The following NCK1 variants were observed in gnomAD, a reference collection of about 807,000 sequenced individuals.
NCK1 encodes the protein NCK adaptor protein 1, also known as SH2/SH3 adapter protein NCK1.
NCK1 carries 19 observed loss-of-function variants against 36.6 expected under a neutral mutation model. The ratio of observed to expected loss-of-function variants is 0.52; its 90% CI spans 0.36 to 0.76. The LOEUF (loss-of-function observed/expected upper bound fraction) is 0.76, where lower values mean the gene tolerates loss of function less well. Ranked by LOEUF, NCK1 falls within the 30% of genes least tolerant of loss-of-function variation. The pLI is 0.00. For missense variants in NCK1, 358 were observed against 445.6 expected (o/e 0.80, Z 1.77); for synonymous variants, 165 against 156.0 (o/e 1.06, Z -0.43).
At chr3:136,909,134 C>T (rs2108109027) in intron 1 of NCK1, among the ~76,000 whole-genome samples, 1 of 152,296 alleles carries the variant, frequency 6.6e-6, no homozygotes, top group East Asian at 1.9e-4. Flanking sequence ...AAATAAATTT[C>T]TGTCCTTTAT....
chr3:136,913,659 T>A (rs1311381129), intron 1 of NCK1, among the ~76,000 whole-genome samples: 1 of 151,896 alleles, frequency 6.6e-6, no homozygotes, highest in Non-Finnish European at 1.5e-5. Flanking sequence ...TTTTGTTTTG[T>A]TTTTTGTTTG....
At position 136,940,232 on chromosome 3, in the gene NCK1, A is replaced by T. The variant is rs1246374251; in HGVS notation, c.227-5351A>T. Among the ~76,000 whole-genome samples the T allele has an allele frequency of 3.3e-5, 5 of 152,086 alleles. No individual in the cohort carries two copies. The East Asian group carries it at 7.7e-4, about 23-fold the overall frequency. ...AATATTCCATGTATACTTGAGAAAA[A>T]TGTGTGATATATTCTGCTTTTGTTT... On this transcript the variant is annotated intron_variant, in intron 2 of 3. Coordinates refer to ENST00000481752, the MANE Select transcript of NCK1 (RefSeq NM_001291999.2).
chr3:136,890,192 G>A (rs879825525), intron 1 of NCK1, among the ~76,000 whole-genome samples: 1 of 152,198 alleles, frequency 6.6e-6, no homozygotes, highest in East Asian at 1.9e-4. Flanking sequence ...GCGCTGGTGG[G>A]CTGGCATTGC....
intron 1 of NCK1, among the ~76,000 whole-genome samples, chr3:136,898,063 A>C (rs1360688871): frequency 6.6e-6 from 1 of 152,186 alleles, no homozygotes; most frequent in African/African-American, 2.4e-5. Context: ...ACATTTTTGC[A>C]GAACTCTCAT....
intron 1 of NCK1, among the ~76,000 whole-genome samples, chr3:136,890,239 G>C (rs1038628888): frequency 6.6e-6 from 1 of 152,174 alleles, no homozygotes; most frequent in African/African-American, 2.4e-5. Context: ...TTGCTGGCCC[G>C]GGTGCTAAGC....
At chr3:136,943,961 G>C (rs552774321) in intron 2 of NCK1, among the ~76,000 whole-genome samples, 1 of 152,186 alleles carries the variant, frequency 6.6e-6, no homozygotes, top group South Asian at 2.1e-4. Context: ...AAAAGTTACT[G>C]ATTTGACAGT....
chr3:136,923,709 T>A (rs1276750339), intron 1 of NCK1, among the ~76,000 whole-genome samples: 4 of 152,222 alleles, frequency 2.6e-5, no homozygotes, highest in Non-Finnish European at 4.4e-5. Flanking sequence ...GTTTAAACAT[T>A]CATATAAACA....
intron 2 of NCK1, among the ~76,000 whole-genome samples, chr3:136,941,302 A>AT (rs944567332): frequency 4.0e-5 from 6 of 150,374 alleles, no homozygotes; most frequent in African/African-American, 1.2e-4. Context: ...ATTTTTTGGT[A>AT]TTTTTTTGGT....
chr3:136,919,325 CAG>C (rs1940047261), intron 1 of NCK1, among the ~76,000 whole-genome samples: 1 of 151,794 alleles, frequency 6.6e-6, no homozygotes, highest in African/African-American at 2.4e-5. Context: ...TCACAACAAA[CAG>C]TGAAAATCTT....
intron 2 of NCK1, among the ~76,000 whole-genome samples, chr3:136,943,450 G>A (rs1331886816): frequency 6.6e-6 from 1 of 152,204 alleles, no homozygotes; most frequent in Non-Finnish European, 1.5e-5. Context: ...GAATTGTAAT[G>A]CCTGAATTCC....
chr3:136,870,841 G>C (rs1329135702), intron 1 of NCK1, among the ~76,000 whole-genome samples: 1 of 152,020 alleles, frequency 6.6e-6, no homozygotes, highest in Non-Finnish European at 1.5e-5. Flanking sequence ...CTCTTCCTCA[G>C]GGCAGATGGC....
At chr3:136,875,171 C>T (rs1938731461) in intron 1 of NCK1, among the ~76,000 whole-genome samples, 1 of 152,166 alleles carries the variant, frequency 6.6e-6, no homozygotes, top group South Asian at 2.1e-4. Context: ...ACAGTCTGCT[C>T]TCTGTTTGTC....
intron 1 of NCK1, among the ~76,000 whole-genome samples, chr3:136,888,294 A>T (rs944473221): frequency 9.2e-5 from 14 of 152,100 alleles, no homozygotes; most frequent in Non-Finnish European, 1.8e-4. Flanking sequence ...GTCGGTTTTT[A>T]AAAAAAGGTT....
intron 1 of NCK1, among the ~76,000 whole-genome samples, chr3:136,910,161 CTT>C (rs1939797765): frequency 6.6e-6 from 1 of 152,132 alleles, no homozygotes; most frequent in Non-Finnish European, 1.5e-5. Flanking sequence ...GCATTACTGT[CTT>C]TTGTGCTGAA....
At chr3:136,927,895 C>G (rs1212710492) in intron 1 of NCK1, 89 bp from the exon 2 acceptor site, 28 of 937,794 alleles carry the variant, frequency 3.0e-5, no homozygotes, top group Non-Finnish European at 4.4e-5. Context: ...ATCTTTATGT[C>G]TTTAGATTTT....
chr3:136,914,712 G>T (rs932466318), intron 1 of NCK1, among the ~76,000 whole-genome samples: 3 of 152,130 alleles, frequency 2.0e-5, no homozygotes, highest in African/African-American at 4.8e-5. Flanking sequence ...ACAACTTCTG[G>T]CTTCCAGCCA....
At chr3:136,908,250 C>T (rs1939739127) in intron 1 of NCK1, among the ~76,000 whole-genome samples, 1 of 152,128 alleles carries the variant, frequency 6.6e-6, no homozygotes, top group South Asian at 2.1e-4. Flanking sequence ...CATTCCTTCA[C>T]CAGTAGCTGC....
chr3:136,867,056 CTTT>C (rs1938437702), intron 1 of NCK1, among the ~76,000 whole-genome samples: 1 of 262 alleles, frequency 3.8e-3, no homozygotes, highest in Non-Finnish European at 0.012. Flanking sequence ...GCTTTTCTTT[CTTT>C]CTTTCTTTCT....
chr3:136,865,420 A>G (rs1265501336), intron 1 of NCK1, among the ~76,000 whole-genome samples: 1 of 152,098 alleles, frequency 6.6e-6, no homozygotes, highest in East Asian at 1.9e-4. Context: ...AGAGTTTTAC[A>G]TTTTCATTGC....
Sources: allele counts gnomAD v4.1 joint callset (sites outside exome capture counted in the v4.1 genomes callset), GRCh38; gene constraint gnomAD v4.1.1; transcripts MANE v1.5; gene names NCBI Gene and HGNC (gene_info 2026-07-23, HGNC 2026-07-21).